The following TSHZ3 variants were observed in gnomAD, a reference collection of about 807,000 sequenced individuals.
TSHZ3 encodes teashirt homolog 3.
Under a neutral mutation model 64.5 loss-of-function variants are expected in TSHZ3, and 10 were observed. That is an observed-to-expected ratio of 0.16 (90% CI 0.10 to 0.26). TSHZ3 has a LOEUF of 0.26. Among genes scored for constraint, TSHZ3 ranks in the 10% least tolerant of loss-of-function variants. The pLI, the probability that TSHZ3 is intolerant of heterozygous loss-of-function variation, is 1.00. For synonymous variants in TSHZ3, 608 were observed against 593.1 expected, an observed-to-expected ratio of 1.03 and a Z score of -0.36; for missense variants, 1,242 against 1,421.7, an observed-to-expected ratio of 0.87 and a Z score of 2.03.
chr19:31,219,738 G>C (rs1051778918), intron 4 of TSHZ3, among the ~76,000 whole-genome samples: 2 of 150,670 alleles, frequency 1.3e-5, no homozygotes, highest in African/African-American at 4.9e-5. Context: ...AGTTCTATTA[G>C]CTTATGAATC....
chr19:31,331,223 C>T lies in TSHZ3; in HGVS notation c.40+17957G>A, dbSNP rs115883547. Among the ~76,000 whole-genome samples the T allele has an allele frequency of 3.3e-3, 497 of 152,308 alleles. 4 individuals are homozygous for T. The highest frequency in any genetic ancestry group is 0.011 in the African/African-American group (474 of 41,574). On this transcript the variant is annotated intron_variant, in intron 1 of 1. Coordinates refer to ENST00000240587, the MANE Select transcript of TSHZ3 (RefSeq NM_020856.4). ...CAGAGCGACACCAGGCCTTCCTGAGCTCACCTGTACCAGAGCCTCAGGAAA... is the reference window on the plus strand; with the variant it reads ...CAGAGCGACACCAGGCCTTCCTGAGTTCACCTGTACCAGAGCCTCAGGAAA...
chr19:31,271,447 C>T (rs1249680891), downstream of TSHZ3, among the ~76,000 whole-genome samples: 2 of 152,184 alleles, frequency 1.3e-5, no homozygotes, highest in Non-Finnish European at 2.9e-5. Context: ...CGGAATCCAG[C>T]CCTCGGCTGC....
downstream of TSHZ3, among the ~76,000 whole-genome samples, chr19:31,270,461 A>G (rs1976119742): frequency 6.6e-6 from 1 of 152,222 alleles, no homozygotes; most frequent in African/African-American, 2.4e-5. Flanking sequence ...GCACGCCACC[A>G]TGCTCAGCTA....
intron 5 of TSHZ3, among the ~76,000 whole-genome samples, chr19:31,165,904 A>T (rs1027653028): frequency 1.3e-5 from 2 of 152,232 alleles, no homozygotes; most frequent in Non-Finnish European, 2.9e-5. Context: ...ACTCTGTAAA[A>T]GCAAGTGGGC....
chr19:31,341,359 G>A (rs529712057), intron 1 of TSHZ3, among the ~76,000 whole-genome samples: 10 of 152,210 alleles, frequency 6.6e-5, no homozygotes, highest in African/African-American at 2.4e-4. Context: ...GTCCTGTGGT[G>A]GTCTGGATCC....
At chr19:31,205,848 T>C (rs1975160020) in intron 4 of TSHZ3, among the ~76,000 whole-genome samples, 1 of 152,212 alleles carries the variant, frequency 6.6e-6, no homozygotes, top group Admixed American at 6.5e-5. Context: ...AACTAGAAAC[T>C]TTATAATTTG....
intron 1 of TSHZ3, among the ~76,000 whole-genome samples, chr19:31,265,279 C>G (rs1033033725): frequency 6.6e-6 from 1 of 151,142 alleles, no homozygotes; most frequent in Non-Finnish European, 1.5e-5. Flanking sequence ...TGCCTGTAAT[C>G]CCAGCTACTC....
At chr19:31,281,330 G>T (rs1484159588) in intron 1 of TSHZ3, among the ~76,000 whole-genome samples, 2 of 152,048 alleles carry the variant, frequency 1.3e-5, no homozygotes, top group Non-Finnish European at 2.9e-5. Flanking sequence ...TGATTCTTTT[G>T]CTCCTAAGCC....
At chr19:31,158,109 A>G (rs756367633) in intron 5 of TSHZ3, among the ~76,000 whole-genome samples, 4 of 152,204 alleles carry the variant, frequency 2.6e-5, no homozygotes, top group Non-Finnish European at 4.4e-5. Context: ...GTACTTTCCT[A>G]CTGCTAACAT....
chr19:31,166,779 C>G (rs1201058971), intron 5 of TSHZ3, among the ~76,000 whole-genome samples: 1 of 152,150 alleles, frequency 6.6e-6, no homozygotes, highest in Non-Finnish European at 1.5e-5. Flanking sequence ...ACTATATGCC[C>G]CTACGGCATG....
At chr19:31,189,343 G>T (rs896119871) in intron 5 of TSHZ3, among the ~76,000 whole-genome samples, 2 of 151,272 alleles carry the variant, frequency 1.3e-5, no homozygotes, top group Non-Finnish European at 1.5e-5. Context: ...ATTGAATTTT[G>T]GCACTTTATT....
intron 5 of TSHZ3, among the ~76,000 whole-genome samples, chr19:31,178,976 G>T (rs1257118281): frequency 6.6e-6 from 1 of 152,116 alleles, no homozygotes; most frequent in Non-Finnish European, 1.5e-5. Flanking sequence ...AAATATAGTA[G>T]TTGAAGACAG....
At chr19:31,340,484 G>A (rs919190868) in intron 1 of TSHZ3, among the ~76,000 whole-genome samples, 9 of 140,998 alleles carry the variant, frequency 6.4e-5, no homozygotes, top group East Asian at 2.5e-4. Flanking sequence ...CAAGAGAGAC[G>A]CACACAGAAA....
intron 6 of TSHZ3, among the ~76,000 whole-genome samples, chr19:31,154,077 T>G (rs965366414): frequency 6.6e-6 from 1 of 152,164 alleles, no homozygotes. Flanking sequence ...ATGTTTCTGC[T>G]CATTTCTTGT....
intron 1 of TSHZ3, among the ~76,000 whole-genome samples, chr19:31,257,727 C>G (rs908853786): frequency 1.3e-5 from 2 of 152,196 alleles, no homozygotes; most frequent in Admixed American, 1.3e-4. Context: ...AGGGGCTTGT[C>G]CCTGGGCCTG....
exon 7 of TSHZ3, among the ~76,000 whole-genome samples, chr19:31,151,024 C>T (rs375483627): frequency 2.0e-5 from 3 of 152,128 alleles, no homozygotes; most frequent in Admixed American, 6.5e-5. Context: ...GAGTCATAAA[C>T]GAAATAAGAG....
At chr19:31,289,366 G>A (rs1976521928) in intron 1 of TSHZ3, among the ~76,000 whole-genome samples, 1 of 152,152 alleles carries the variant, frequency 6.6e-6, no homozygotes, top group Non-Finnish European at 1.5e-5. Flanking sequence ...TCCTCACTCT[G>A]GGCAGCCTTA....
At chr19:31,179,000 G>A (rs1247724733) in intron 5 of TSHZ3, among the ~76,000 whole-genome samples, 2 of 144,086 alleles carry the variant, frequency 1.4e-5, no homozygotes, top group Non-Finnish European at 3.0e-5. Flanking sequence ...AGGAGACCTG[G>A]ACTGCAGAAG....
chr19:31,188,810 C>A (rs12973446), intron 5 of TSHZ3, among the ~76,000 whole-genome samples: 108,417 of 151,634 alleles, frequency 0.71, 39,203 homozygotes, highest in African/African-American at 0.83. Context: ...TTCATCAAAA[C>A]AGGGGTGATG....
Sources: gnomAD v4.1 joint callset for allele counts (sites outside exome capture counted in the v4.1 genomes callset) on GRCh38, gnomAD v4.1.1 for gene constraint, MANE v1.5 for transcripts, NCBI Gene and HGNC (gene_info 2026-07-23, HGNC 2026-07-21) for gene names.